The following BCAS4 variants were observed in gnomAD, a reference collection of about 807,000 sequenced individuals.
The protein encoded by BCAS4 is breast carcinoma amplified sequence 4, also known as breast carcinoma-amplified sequence 4.
Under a neutral mutation model 15.7 loss-of-function variants are expected in BCAS4, and 9 were observed. The observed-to-expected ratio is 0.57, with a 90% CI of 0.34 to 1.00. BCAS4 has a LOEUF of 1.00. Among genes scored for constraint, BCAS4 ranks in the 50% least tolerant of loss-of-function variants. BCAS4 has a pLI of 0.02. For synonymous variants in BCAS4, 101 were observed against 99.5 expected, an observed-to-expected ratio of 1.02 and a Z score of -0.09; for missense variants, 225 against 239.1, an observed-to-expected ratio of 0.94 and a Z score of 0.39.
chr20:50,875,224 G>A (rs1412134663), intron 4 of BCAS4, among the ~76,000 whole-genome samples: 1 of 152,216 alleles, frequency 6.6e-6, no homozygotes, highest in East Asian at 1.9e-4. Flanking sequence ...GGCCAGGTTT[G>A]ACAGCCGTCA....
chr20:50,846,194 C>T (rs560117739), intron 4 of BCAS4, among the ~76,000 whole-genome samples: 4 of 152,340 alleles, frequency 2.6e-5, no homozygotes, highest in South Asian at 2.1e-4. Flanking sequence ...ACTATATAAA[C>T]GAAAAGTTTT....
At chr20:50,816,822 T>TTG (rs1258647049) in intron 1 of BCAS4, among the ~76,000 whole-genome samples, 1 of 108,792 alleles carries the variant, frequency 9.2e-6, no homozygotes, top group African/African-American at 4.6e-5. Context: ...TTTTTTTTTT[T>TTG]GAGACGGAAT....
chr20:50,820,210 C>G (rs561789893), intron 2 of BCAS4, among the ~76,000 whole-genome samples: 1 of 152,176 alleles, frequency 6.6e-6, no homozygotes, highest in Non-Finnish European at 1.5e-5. Context: ...AGAGTTCAGT[C>G]CATCTCCATT....
At chr20:50,823,051 C>T (rs891544305) in intron 2 of BCAS4, among the ~76,000 whole-genome samples, 1 of 151,954 alleles carries the variant, frequency 6.6e-6, no homozygotes, top group Non-Finnish European at 1.5e-5. Flanking sequence ...TTCATAGAAG[C>T]CTTATTCGCC....
At chr20:50,818,147 AAT>A in intron 1 of BCAS4, 62 bp from the exon 2 acceptor site, 3 of 1,491,028 alleles carry the variant, frequency 2.0e-6, no homozygotes, top group Admixed American at 1.9e-5. Context: ...AAAAAAAAAA[AAT>A]GAAGGGTGTT....
intron 2 of BCAS4, among the ~76,000 whole-genome samples, chr20:50,824,992 G>A (rs2088262767): frequency 6.6e-6 from 1 of 152,178 alleles, no homozygotes; most frequent in African/African-American, 2.4e-5. Context: ...GTGTTAGGAA[G>A]GGTGGTCTCA....
chr20:50,845,741 C>T (rs1158714467), intron 4 of BCAS4, among the ~76,000 whole-genome samples: 1 of 152,244 alleles, frequency 6.6e-6, no homozygotes, highest in African/African-American at 2.4e-5. Flanking sequence ...CTCACCCACC[C>T]GTGCTGCCTC....
chr20:50,841,999 G>T lies in BCAS4; in HGVS notation c.399+99G>T, dbSNP rs934468084. 7 of 1,392,484 alleles carry T rather than the reference G, an allele frequency of 5.0e-6. No individual in the cohort carries two copies. The African/African-American group carries it at 1.0e-4, about 20-fold the overall frequency. The allele number at this position is 1,392,484 out of a possible 1,614,324, so 86.3% of individuals were successfully genotyped here. ...GCATGCAGGAAGCAGAGTTCAGGGGGGCACATTTCACTTCTGCAGACAGGA... is the reference window on the plus strand; with the variant it reads ...GCATGCAGGAAGCAGAGTTCAGGGGTGCACATTTCACTTCTGCAGACAGGA... On this transcript the variant is annotated intron_variant, in intron 4 of 4. Coordinates refer to ENST00000371608, the MANE Select transcript of BCAS4 (RefSeq NM_198799.4).
intron 2 of BCAS4, among the ~76,000 whole-genome samples, chr20:50,821,168 T>A (rs1334562623): frequency 6.6e-6 from 1 of 152,214 alleles, no homozygotes; most frequent in Non-Finnish European, 1.5e-5. Context: ...TTTTGATAGA[T>A]GATGTTTCTC....
intron 1 of BCAS4, among the ~76,000 whole-genome samples, chr20:50,800,433 C>T (rs960041749): frequency 6.6e-6 from 1 of 152,046 alleles, no homozygotes; most frequent in African/African-American, 2.4e-5. Flanking sequence ...CACTGCTTTC[C>T]CCAGATGGAG....
Position 50,841,763 on chromosome 20 carries a change from C to T in BCAS4, c.265-3C>T. 6.2e-7 allele frequency: 1 copy of T among 1,613,994 alleles called. No homozygotes were observed. The highest frequency in any genetic ancestry group is 8.5e-7 in the Non-Finnish European group (1 of 1,180,014). Reference sequence around the variant, plus strand: ...GGCATCATGGCTTCTCCGTGTCCCTCAGGCCTTCGTCAAGATGGTTGGACA... The same window carrying T: ...GGCATCATGGCTTCTCCGTGTCCCTTAGGCCTTCGTCAAGATGGTTGGACA... On this transcript the variant is annotated splice_region_variant and splice_polypyrimidine_tract_variant and intron_variant, in intron 3 of 4. Transcript: ENST00000371608.
rs145066991 is a variant in BCAS4 at position 50,841,685 on chromosome 20, C to T, written c.265-81C>T. The T allele has an allele frequency of 3.2e-6, 5 of 1,586,018 alleles. No homozygotes were observed. In the African/African-American group the frequency reaches 4.0e-5, roughly 13 times the overall value. On this transcript the variant is annotated intron_variant, in intron 3 of 4. Coordinates refer to ENST00000371608, the MANE Select transcript of BCAS4 (RefSeq NM_198799.4). Reference sequence around the variant, plus strand: ...GTCGCAGTGATGAAAGGCCTGGAGTCCCCACCAGCCCAGGGAGTGTGGCCA... The same window carrying T: ...GTCGCAGTGATGAAAGGCCTGGAGTTCCCACCAGCCCAGGGAGTGTGGCCA...
At chr20:50,856,935 G>C (rs1978790386) in intron 4 of BCAS4, among the ~76,000 whole-genome samples, 1 of 152,194 alleles carries the variant, frequency 6.6e-6, no homozygotes, top group South Asian at 2.1e-4. Context: ...CATTGAAGCA[G>C]TATCAGAACT....
chr20:50,812,164 A>G (rs899224031), intron 1 of BCAS4, among the ~76,000 whole-genome samples: 4 of 149,972 alleles, frequency 2.7e-5, no homozygotes, highest in African/African-American at 9.9e-5. Flanking sequence ...ATGGAATCTC[A>G]CTCTGTTGCC....
intron 1 of BCAS4, among the ~76,000 whole-genome samples, chr20:50,812,163 C>T (rs1014993238): frequency 6.6e-6 from 1 of 151,844 alleles, no homozygotes; most frequent in African/African-American, 2.4e-5. Flanking sequence ...GATGGAATCT[C>T]ACTCTGTTGC....
At chr20:50,854,299 G>A (rs899830836) in intron 4 of BCAS4, among the ~76,000 whole-genome samples, 3 of 152,220 alleles carry the variant, frequency 2.0e-5, no homozygotes, top group Middle Eastern at 3.4e-3. Flanking sequence ...GCCTCAGGTC[G>A]AGGATTTGAA....
chr20:50,856,047 C>T (rs543280593), intron 4 of BCAS4, among the ~76,000 whole-genome samples: 1 of 152,348 alleles, frequency 6.6e-6, no homozygotes, highest in East Asian at 1.9e-4. Context: ...ATTCGCAGCA[C>T]AGCCCACGAC....
chr20:50,872,337 G>C (rs962858587), intron 4 of BCAS4, among the ~76,000 whole-genome samples: 1 of 149,390 alleles, frequency 6.7e-6, no homozygotes, highest in East Asian at 2.0e-4. Context: ...TTGGGAGGCT[G>C]AGGTGGGTGG....
chr20:50,796,107 C>A (rs535730709), intron 1 of BCAS4, among the ~76,000 whole-genome samples: 1 of 151,302 alleles, frequency 6.6e-6, no homozygotes, highest in Non-Finnish European at 1.5e-5. Context: ...TCTCGCCAGG[C>A]CTGGTGGCTC....
Sources: allele counts gnomAD v4.1 joint callset (sites outside exome capture counted in the v4.1 genomes callset), GRCh38; gene constraint gnomAD v4.1.1; transcripts MANE v1.5; gene names NCBI Gene and HGNC (gene_info 2026-07-23, HGNC 2026-07-21).